CACNA1B: variants seen among roughly 807,000 people sequenced by gnomAD.
The protein encoded by CACNA1B is calcium voltage-gated channel subunit alpha1 B.
In CACNA1B, 70 loss-of-function variants were observed where a neutral mutation model predicts 247.2. The observed-to-expected ratio is 0.28, with a 90% CI of 0.23 to 0.35. CACNA1B has a LOEUF of 0.35. CACNA1B is among the 10% of genes least tolerant of loss of function. CACNA1B has a pLI of 1.00. For synonymous variants in CACNA1B, 1,231 were observed against 1,294.4 expected, an observed-to-expected ratio of 0.95 and a Z score of 1.05; for missense variants, 2,367 against 3,197.4, an observed-to-expected ratio of 0.74 and a Z score of 6.26.
chr9:138,076,588 G>A (rs1960328165), intron 35 of CACNA1B, among the ~76,000 whole-genome samples: 1 of 152,226 alleles, frequency 6.6e-6, no homozygotes, highest in Admixed American at 6.5e-5. Flanking sequence ...GCCAGGAGAG[G>A]CCTCAGCATC....
chr9:137,911,590 AT>A (rs534605802), intron 3 of CACNA1B, among the ~76,000 whole-genome samples: 18 of 150,564 alleles, frequency 1.2e-4, no homozygotes, highest in African/African-American at 3.7e-4. Flanking sequence ...TAGTTTTTGT[AT>A]TTTTTTTTGT....
chr9:137,988,785 G>A (rs1589051346), intron 15 of CACNA1B, among the ~76,000 whole-genome samples: 1 of 152,120 alleles, frequency 6.6e-6, no homozygotes, highest in Non-Finnish European at 1.5e-5. Context: ...ACTGGGGGAG[G>A]TACCTGGGCC....
chr9:137,878,493 T>G (rs2133212699), intron 1 of CACNA1B, among the ~76,000 whole-genome samples: 1 of 152,204 alleles, frequency 6.6e-6, no homozygotes, highest in Admixed American at 6.5e-5. Context: ...GCGGCTAGCC[T>G]GGAGGGCACC....
At chr9:137,920,219 CAG>C (rs1218543103) in intron 6 of CACNA1B, among the ~76,000 whole-genome samples, 1 of 151,670 alleles carries the variant, frequency 6.6e-6, no homozygotes, top group African/African-American at 2.4e-5. Flanking sequence ...TTTTTTGAGA[CAG>C]AGTCTTGCTT....
intron 18 of CACNA1B, among the ~76,000 whole-genome samples, chr9:138,017,751 A>T (rs1294160165): frequency 6.6e-6 from 1 of 152,206 alleles, no homozygotes; most frequent in Non-Finnish European, 1.5e-5. Context: ...AGAGACACGG[A>T]AACTCCAGGG....
At chr9:137,936,841 C>T (rs1406661218) in intron 6 of CACNA1B, among the ~76,000 whole-genome samples, 1 of 152,166 alleles carries the variant, frequency 6.6e-6, no homozygotes, top group Non-Finnish European at 1.5e-5. Flanking sequence ...TGGTCTGTAT[C>T]TCTGTTTTGG....
intron 3 of CACNA1B, among the ~76,000 whole-genome samples, chr9:137,894,871 CTT>C (rs775537752): frequency 2.6e-5 from 4 of 152,156 alleles, no homozygotes; most frequent in Non-Finnish European, 5.9e-5. Flanking sequence ...CGCAGCAAAA[CTT>C]TTAAATTTTG....
chr9:137,919,604 C>T lies in CACNA1B; in HGVS notation c.966+2173C>T, dbSNP rs1957454390. On this transcript the variant is annotated intron_variant, in intron 6 of 46. Coordinates refer to ENST00000371372, the MANE Select transcript of CACNA1B (RefSeq NM_000718.4). This position sits in a 1 kb window ranked among gnomAD's most constrained non-coding sequence, Gnocchi z 4.6. ...GAGAGAGCGAGAGCCCGCCCCTCAC[C>T]TCCAACCCAGTGAGAGGGACTTTTG... Among the ~76,000 whole-genome samples the T allele has an allele frequency of 6.6e-6, 1 of 152,240 alleles. No individual in the cohort carries two copies. Among genetic ancestry groups the T allele is most frequent in the Non-Finnish European group, 1.5e-5 (1 of 68,046 alleles).
At chr9:137,996,010 T>A (rs1327820924) in intron 15 of CACNA1B, among the ~76,000 whole-genome samples, 1 of 152,200 alleles carries the variant, frequency 6.6e-6, no homozygotes, top group Non-Finnish European at 1.5e-5. Flanking sequence ...AAATAATAGA[T>A]GTTGGTGTGG....
intron 10 of CACNA1B, among the ~76,000 whole-genome samples, chr9:137,967,171 C>G (rs1475508986): frequency 6.6e-6 from 1 of 152,144 alleles, no homozygotes; most frequent in African/African-American, 2.4e-5. Flanking sequence ...AGGTTGCCTT[C>G]CCTTCCCTGC....
Position 138,054,722 on chromosome 9 carries a change from G to A in CACNA1B, c.3968+716G>A, listed in dbSNP as rs751495159. ...TGGAATTGCCGGGTCCTGGGTGTGC[G>A]TGTACTCAGCCTTAGTAGATGCTGC... On this transcript the variant is annotated intron_variant, in intron 26 of 46. Transcript: ENST00000371372. This position sits in a 1 kb window ranked among gnomAD's most constrained non-coding sequence, Gnocchi z 4.6. 1.1e-4 allele frequency among the ~76,000 whole-genome samples: 17 copies of A among 152,188 alleles called. No individual in the cohort carries two copies. The highest frequency in any genetic ancestry group is 1.9e-4 in the Non-Finnish European group (13 of 68,040).
chr9:138,035,762 T>C (rs1959035061), intron 20 of CACNA1B, among the ~76,000 whole-genome samples: 1 of 152,198 alleles, frequency 6.6e-6, no homozygotes, highest in Non-Finnish European at 1.5e-5. Context: ...ACTTTGTGTA[T>C]GTGTACTGTA....
chr9:137,941,644 A>G (rs1957733214), intron 6 of CACNA1B, among the ~76,000 whole-genome samples: 1 of 152,216 alleles, frequency 6.6e-6, no homozygotes, highest in African/African-American at 2.4e-5. Flanking sequence ...GTACTGGTAT[A>G]AAAATAGGCA....
At chr9:138,040,807 A>G (rs778997287) in intron 20 of CACNA1B, 5 of 172,780 alleles carry the variant, frequency 2.9e-5, no homozygotes, top group Non-Finnish European at 6.4e-5. Flanking sequence ...TTTTGGCAGC[A>G]TGCTCACAGA....
rs556428191 is a variant in CACNA1B at position 138,072,436 on chromosome 9, C to T, written c.4675-1052C>T. Among the ~76,000 whole-genome samples, 8 of 152,382 alleles carry T rather than the reference C, an allele frequency of 5.2e-5. No individual in the cohort carries two copies. The South Asian group carries it at 1.7e-3, about 32-fold the overall frequency. ...CAGGCCCTCACCGCCTCTGCGCCTGCACGTGCTCCTGCTGCTGCTGTCTCA... is the reference window on the plus strand; with the variant it reads ...CAGGCCCTCACCGCCTCTGCGCCTGTACGTGCTCCTGCTGCTGCTGTCTCA... On this transcript the variant is annotated intron_variant, in intron 32 of 46. Transcript: ENST00000371372. This position sits in a 1 kb window ranked among gnomAD's most constrained non-coding sequence, Gnocchi z 4.5.
rs1022218974 is a variant in CACNA1B, at chr9:137,952,643, G to T, written c.1070+266G>T. Among the ~76,000 whole-genome samples, 1 of 151,978 alleles carries T rather than the reference G, an allele frequency of 6.6e-6. No individual in the cohort carries two copies. The highest frequency in any genetic ancestry group is 1.5e-5 in the Non-Finnish European group (1 of 68,012). ...GGAGAGTAGCTGCCACTACTCATCT[G>T]GGTAGACAGGAGGTGTGGTCTGTAA... On this transcript the variant is annotated intron_variant, in intron 7 of 46. Transcript: ENST00000371372. This position sits in a 1 kb window ranked among gnomAD's most constrained non-coding sequence, Gnocchi z 4.8.
At chr9:137,934,414 TGGCAGACGGGA>T (rs1957641344) in intron 6 of CACNA1B, among the ~76,000 whole-genome samples, 1 of 152,216 alleles carries the variant, frequency 6.6e-6, no homozygotes, top group Non-Finnish European at 1.5e-5. Context: ...TTGGAGATCA[TGGCAGACGGGA>T]GGCAGGACTA....
In CACNA1B at chr9:137,880,359, G is replaced by A. The variant is rs940464253; in HGVS notation, c.390+1200G>A. 2.0e-5 allele frequency among the ~76,000 whole-genome samples: 3 copies of A among 151,686 alleles called. No homozygotes were observed. Among genetic ancestry groups the A allele is most frequent in the African/African-American group, 7.3e-5 (3 of 40,938 alleles). The stretch of plus-strand genomic sequence containing the variant: ...GGCAGGCGTGAGTCATGGTCCCTGT[G>A]GGGGACTTGGGCAGGACCCTGGTGG... On this transcript the variant is annotated intron_variant, in intron 2 of 46. Coordinates refer to ENST00000371372, the MANE Select transcript of CACNA1B (RefSeq NM_000718.4). The surrounding 1 kb of genome is among the most constrained non-coding windows in gnomAD (Gnocchi z 4.8).
chr9:138,119,129 C>A (rs549966880), intron 44 of CACNA1B, among the ~76,000 whole-genome samples: 2 of 152,072 alleles, frequency 1.3e-5, no homozygotes, highest in South Asian at 4.1e-4. Context: ...GAGACAACCC[C>A]CACTCTCATC....
Sources: allele counts gnomAD v4.1 joint callset (sites outside exome capture counted in the v4.1 genomes callset), GRCh38; gene constraint gnomAD v4.1.1; non-coding constraint Gnocchi (gnomAD v3.1); transcripts MANE v1.5; gene names NCBI Gene and HGNC (gene_info 2026-07-23, HGNC 2026-07-21).